Variants in ALCAM observed in about 807,000 individuals in gnomAD.
The protein encoded by ALCAM is CD166 antigen.
ALCAM carries 30 observed loss-of-function variants against 70.9 expected under a neutral mutation model. That is an observed-to-expected ratio of 0.42 (90% CI 0.32 to 0.57). ALCAM has a LOEUF of 0.57. Ranked by LOEUF, ALCAM falls within the 20% of genes least tolerant of loss-of-function variation. The pLI is 0.11. For missense variants in ALCAM, 591 were observed against 695.1 expected (o/e 0.85, Z 1.68); for synonymous variants, 249 against 242.5 (o/e 1.03, Z -0.25).
At chr3:105,414,664 T>C (rs1407041177) in intron 1 of ALCAM, among the ~76,000 whole-genome samples, 1 of 152,078 alleles carries the variant, frequency 6.6e-6, no homozygotes, top group African/African-American at 2.4e-5. Flanking sequence ...TGTGCTTATA[T>C]GTATGTGCAG....
At chr3:105,449,788 G>A (rs1271963459) in intron 1 of ALCAM, among the ~76,000 whole-genome samples, 2 of 152,048 alleles carry the variant, frequency 1.3e-5, no homozygotes, top group Non-Finnish European at 2.9e-5. Flanking sequence ...ACATTTGTCA[G>A]AAAATGTTAA....
intron 1 of ALCAM, among the ~76,000 whole-genome samples, chr3:105,397,654 C>A (rs1243987369): frequency 6.6e-6 from 1 of 151,926 alleles, no homozygotes; most frequent in Non-Finnish European, 1.5e-5. Context: ...ATTAACCACT[C>A]ATCCAGAAAT....
chr3:105,547,554 A>T (rs1161095619), intron 11 of ALCAM, 31 bp downstream of exon 11: 3 of 1,595,224 alleles, frequency 1.9e-6, no homozygotes, highest in East Asian at 2.2e-5. Flanking sequence ...TATATGCTGC[A>T]CTTCGTCCAA....
At chr3:105,566,128 G>C (rs1207886829) in intron 14 of ALCAM, among the ~76,000 whole-genome samples, 1 of 152,106 alleles carries the variant, frequency 6.6e-6, no homozygotes, top group African/African-American at 2.4e-5. Flanking sequence ...CATGTTTATG[G>C]CAAGAGAGCT....
chr3:105,417,547 G>A (rs918976224), intron 1 of ALCAM, among the ~76,000 whole-genome samples: 5 of 151,584 alleles, frequency 3.3e-5, no homozygotes, highest in South Asian at 2.1e-4. Flanking sequence ...ATCCCAGCGC[G>A]GCCACTTGCT....
chr3:105,542,369 C>A (rs1940137196), intron 8 of ALCAM, among the ~76,000 whole-genome samples: 1 of 151,716 alleles, frequency 6.6e-6, no homozygotes, highest in Non-Finnish European at 1.5e-5. Flanking sequence ...ATTATATTTG[C>A]CTCGGTGTAA....
intron 1 of ALCAM, among the ~76,000 whole-genome samples, chr3:105,405,821 A>C (rs1199229917): frequency 6.6e-6 from 1 of 152,142 alleles, no homozygotes; most frequent in Non-Finnish European, 1.5e-5. Flanking sequence ...TCAACAATAA[A>C]ATCAAGATGG....
chr3:105,524,814 CAT>C (rs1182425352), intron 3 of ALCAM: 5 of 1,108,126 alleles, frequency 4.5e-6, no homozygotes, highest in Non-Finnish European at 4.4e-6. Context: ...TTTTTACTGA[CAT>C]GTACAAATAA....
chr3:105,456,802 A>G (rs41380949), intron 1 of ALCAM, among the ~76,000 whole-genome samples: 14,981 of 152,232 alleles, frequency 0.098, 1,080 homozygotes, highest in East Asian at 0.25. Flanking sequence ...GCTTCTGCGT[A>G]TAATGAAGCC....
chr3:105,571,736 C>G, intron 14 of ALCAM, 116 bp from the exon 15 acceptor site: 2 of 759,100 alleles, frequency 2.6e-6, no homozygotes, highest in Non-Finnish European at 4.1e-6. Context: ...TTTTGCCTAG[C>G]GGTTTGCTGT....
intron 6 of ALCAM, among the ~76,000 whole-genome samples, 194 bp downstream of exon 6, chr3:105,535,039 A>G (rs921348777): frequency 6.6e-6 from 1 of 152,126 alleles, no homozygotes; most frequent in African/African-American, 2.4e-5. Flanking sequence ...ATCCTATAAT[A>G]TCTTTCACTC....
chr3:105,413,310 A>T (rs1936432674), intron 1 of ALCAM, among the ~76,000 whole-genome samples: 2 of 152,164 alleles, frequency 1.3e-5, no homozygotes, highest in African/African-American at 2.4e-5. Context: ...TTTAAAATGC[A>T]TGTGATAACA....
chr3:105,575,793 CA>C lies in ALCAM; in HGVS notation c.*1344del, dbSNP rs1940951550. ...AGCGATTTCTTTCCCAGGATTTACA[CA>C]ACTTTAAAGGGAAGATAAATGAACA... On this transcript the variant is annotated 3_prime_UTR_variant, in exon 16 of 16. Coordinates refer to ENST00000306107, the MANE Select transcript of ALCAM (RefSeq NM_001627.4). The C allele has an allele frequency of 6.6e-6, 1 of 151,896 alleles. No individual in the cohort carries two copies. The highest frequency in any genetic ancestry group is 1.9e-4 in the East Asian group (1 of 5,140). 9.4% of individuals were successfully genotyped at this position (151,896 alleles called of 1,614,324 possible).
intron 1 of ALCAM, among the ~76,000 whole-genome samples, chr3:105,410,722 A>G (rs1263428046): frequency 6.6e-6 from 1 of 151,974 alleles, no homozygotes; most frequent in East Asian, 1.9e-4. Flanking sequence ...AAATCTAATC[A>G]CATTTTGACC....
intron 11 of ALCAM, among the ~76,000 whole-genome samples, chr3:105,548,276 T>C (rs540043646): frequency 4.0e-4 from 61 of 151,470 alleles, no homozygotes; most frequent in African/African-American, 1.4e-3. Flanking sequence ...TCCCAGTAAT[T>C]TGCCAATCTG....
At chr3:105,550,086 C>T (rs748687493) in intron 11 of ALCAM, 41 bp from the exon 12 acceptor site, 1 of 1,526,860 alleles carries the variant, frequency 6.5e-7, no homozygotes, top group Non-Finnish European at 9.0e-7. Flanking sequence ...CTTTTTAATC[C>T]ATTTTGATTT....
At position 105,534,859 on chromosome 3, in the gene ALCAM, T is replaced by C; in HGVS notation, c.730+14T>C. The C allele has an allele frequency of 6.3e-7, 1 of 1,587,244 alleles. No homozygotes were observed. The highest frequency in any genetic ancestry group is 8.6e-7 in the Non-Finnish European group (1 of 1,162,478). The stretch of plus-strand genomic sequence containing the variant: ...TTGATATTTACTGTAAGTAATTCAA[T>C]ATATAATTATGCTATTTAATGTATT... On this transcript the variant is annotated intron_variant, in intron 6 of 15. Transcript: ENST00000306107.
chr3:105,429,171 T>G (rs772015379), intron 1 of ALCAM, among the ~76,000 whole-genome samples: 14 of 152,112 alleles, frequency 9.2e-5, no homozygotes, highest in Non-Finnish European at 1.9e-4. Flanking sequence ...AGGTTTCAAC[T>G]TTACTTTCTG....
intron 1 of ALCAM, among the ~76,000 whole-genome samples, chr3:105,505,709 CTGTT>C (rs1939054698): frequency 6.6e-6 from 1 of 152,022 alleles, no homozygotes; most frequent in African/African-American, 2.4e-5. Context: ...ATATTGAAGA[CTGTT>C]TGGCACAGAT....
Sources: gnomAD v4.1 joint callset for allele counts (sites outside exome capture counted in the v4.1 genomes callset) on GRCh38, gnomAD v4.1.1 for gene constraint, MANE v1.5 for transcripts, NCBI Gene and HGNC (gene_info 2026-07-23, HGNC 2026-07-21) for gene names.